Variants in SMYD3 observed in about 807,000 individuals in gnomAD.
SMYD3 encodes the protein histone-lysine N-methyltransferase SMYD3.
In SMYD3, 36 loss-of-function variants were observed where a neutral mutation model predicts 57.7. The ratio of observed to expected loss-of-function variants is 0.62; its 90% CI spans 0.48 to 0.82. The LOEUF (loss-of-function observed/expected upper bound fraction) is 0.82. Ranked by LOEUF, SMYD3 falls within the 40% of genes least tolerant of loss-of-function variation. SMYD3 has a pLI of 0.00. For missense variants in SMYD3, 515 were observed against 538.8 expected (o/e 0.96, Z 0.44); for synonymous variants, 211 against 195.0 (o/e 1.08, Z -0.68).
At chr1:246,259,809 G>C (rs2063969758) in intron 5 of SMYD3, among the ~76,000 whole-genome samples, 1 of 152,198 alleles carries the variant, frequency 6.6e-6, no homozygotes, top group South Asian at 2.1e-4. Flanking sequence ...GAATCCAATG[G>C]GTGGCTACCA....
chr1:245,782,183 G>A (rs940756966), intron 10 of SMYD3, among the ~76,000 whole-genome samples: 3 of 152,090 alleles, frequency 2.0e-5, no homozygotes, highest in Admixed American at 1.3e-4. Context: ...CTTAATTAGA[G>A]AATCAAATCC....
At chr1:246,245,430 G>A (rs1389060054) in intron 5 of SMYD3, among the ~76,000 whole-genome samples, 1 of 152,042 alleles carries the variant, frequency 6.6e-6, no homozygotes, top group Non-Finnish European at 1.5e-5. Context: ...GTGACAGAAC[G>A]AGACTCTGTC....
intron 10 of SMYD3, among the ~76,000 whole-genome samples, chr1:245,854,884 T>C (rs1474548941): frequency 2.0e-5 from 3 of 152,190 alleles, no homozygotes; most frequent in African/African-American, 4.8e-5. Flanking sequence ...CTGTGTATTA[T>C]GATGGAACCA....
chr1:245,853,685 G>A (rs1225368261), intron 10 of SMYD3, among the ~76,000 whole-genome samples: 1 of 151,660 alleles, frequency 6.6e-6, no homozygotes, highest in African/African-American at 2.4e-5. Flanking sequence ...AAATCTCATA[G>A]TTTATCAACC....
chr1:246,472,975 G>A (rs1050323882), intron 1 of SMYD3, among the ~76,000 whole-genome samples: 1 of 148,594 alleles, frequency 6.7e-6, no homozygotes, highest in African/African-American at 2.5e-5. Context: ...CTCCTGCTCA[G>A]CCTCCCAAGT....
intron 5 of SMYD3, among the ~76,000 whole-genome samples, chr1:245,987,880 G>A (rs1279185501): frequency 6.6e-6 from 1 of 152,148 alleles, no homozygotes; most frequent in Non-Finnish European, 1.5e-5. Flanking sequence ...TGTTTGTACT[G>A]GAGAATCATC....
chr1:246,415,326 G>T (rs765079443), intron 1 of SMYD3, among the ~76,000 whole-genome samples: 35 of 152,042 alleles, frequency 2.3e-4, no homozygotes, highest in Non-Finnish European at 4.4e-5. Flanking sequence ...AAGTGTTGTG[G>T]GCTCACCCCC....
chr1:245,816,982 C>T (rs1185034703), intron 10 of SMYD3, among the ~76,000 whole-genome samples: 2 of 151,606 alleles, frequency 1.3e-5, no homozygotes, highest in Non-Finnish European at 3.0e-5. Flanking sequence ...GGGCGCCCGC[C>T]ATTGCCCAGG....
intron 5 of SMYD3, among the ~76,000 whole-genome samples, chr1:246,282,305 C>CA (rs57740230): frequency 0.016 from 1,082 of 67,864 alleles, 76 homozygotes; most frequent in Middle Eastern, 0.02. Context: ...CTCATCTCTA[C>CA]AAAAAAAAAA....
chr1:246,302,929 T>C (rs2064916071), intron 5 of SMYD3, among the ~76,000 whole-genome samples: 2 of 152,152 alleles, frequency 1.3e-5, no homozygotes, highest in Admixed American at 6.5e-5. Flanking sequence ...AAAAGGTATG[T>C]GGACCCAAGT....
intron 5 of SMYD3, among the ~76,000 whole-genome samples, chr1:246,190,847 A>G (rs187833175): frequency 6.6e-6 from 1 of 152,228 alleles, no homozygotes; most frequent in East Asian, 1.9e-4. Context: ...GGGCCCCAAC[A>G]TCAAAGTAGA....
chr1:246,414,295 A>G (rs2067022222), intron 1 of SMYD3, among the ~76,000 whole-genome samples: 1 of 152,170 alleles, frequency 6.6e-6, no homozygotes, highest in African/African-American at 2.4e-5. Context: ...AAATCAAAAG[A>G]GTCATTTTTA....
At position 246,455,275 on chromosome 1, in the gene SMYD3, T is replaced by C. The variant is rs139448634; in HGVS notation, c.164+51779A>G. 2.2e-3 allele frequency among the ~76,000 whole-genome samples: 339 copies of C among 152,298 alleles called. 3 individuals are homozygous for C. Among genetic ancestry groups the C allele is most frequent in the African/African-American group, 7.7e-3 (320 of 41,574 alleles). On this transcript the variant is annotated intron_variant, in intron 1 of 11. Transcript: ENST00000490107. ...ATCATTAACTACCTAACCAGGAAGA[T>C]AGAGAATTGGAAAACCACCACATTT...
chr1:245,934,882 T>G (rs12120419), intron 5 of SMYD3, among the ~76,000 whole-genome samples: 3 of 152,086 alleles, frequency 2.0e-5, no homozygotes, highest in Non-Finnish European at 4.4e-5. Context: ...CAAAGGCCCA[T>G]GCTCACGACT....
intron 1 of SMYD3, among the ~76,000 whole-genome samples, chr1:246,493,235 T>G (rs1182169214): frequency 6.7e-6 from 1 of 149,896 alleles, no homozygotes; most frequent in African/African-American, 2.4e-5. Flanking sequence ...GGGGCTGAGG[T>G]AGGAGGATCA....
chr1:245,894,990 G>A (rs988203614), intron 8 of SMYD3, among the ~76,000 whole-genome samples: 1 of 152,244 alleles, frequency 6.6e-6, no homozygotes, highest in Non-Finnish European at 1.5e-5. Flanking sequence ...AGGCAGAGAA[G>A]AAGTGCCACA....
chr1:246,257,552 T>G (rs1187854267), intron 5 of SMYD3, among the ~76,000 whole-genome samples: 5 of 152,240 alleles, frequency 3.3e-5, no homozygotes, highest in Admixed American at 2.6e-4. Flanking sequence ...AGCAGATGAC[T>G]GGGTCTTGTT....
intron 10 of SMYD3, 58 bp downstream of exon 10, chr1:245,858,438 C>G: frequency 6.6e-7 from 1 of 1,513,850 alleles, no homozygotes; most frequent in Non-Finnish European, 8.9e-7. Context: ...CAACATGGAT[C>G]CTTTGCCCAA....
intron 5 of SMYD3, among the ~76,000 whole-genome samples, chr1:246,001,521 T>TA (rs2059043528): frequency 8.1e-6 from 1 of 123,784 alleles, no homozygotes; most frequent in South Asian, 2.5e-4. Flanking sequence ...GGGCCGTTTT[T>TA]ACATTAGCCA....
Sources: gnomAD v4.1 joint callset for allele counts (sites outside exome capture counted in the v4.1 genomes callset) on GRCh38, gnomAD v4.1.1 for gene constraint, MANE v1.5 for transcripts, NCBI Gene and HGNC (gene_info 2026-07-23, HGNC 2026-07-21) for gene names.